PIK3IP1: variants seen among roughly 807,000 people sequenced by gnomAD.
PIK3IP1 encodes phosphoinositide-3-kinase-interacting protein 1.
Under a neutral mutation model 30.7 loss-of-function variants are expected in PIK3IP1, and 28 were observed. The ratio of observed to expected loss-of-function variants is 0.91; its 90% CI spans 0.68 to 1.25. The LOEUF (loss-of-function observed/expected upper bound fraction) is 1.25, where lower values mean the gene tolerates loss of function less well. Ranked by LOEUF, PIK3IP1 falls within the 50% of genes most tolerant of loss-of-function variation. The pLI is 0.00. For synonymous variants in PIK3IP1, 159 were observed against 140.8 expected, an observed-to-expected ratio of 1.13 and a Z score of -0.91; for missense variants, 333 against 346.2, an observed-to-expected ratio of 0.96 and a Z score of 0.30.
At chr22:31,288,409 G>A (rs1245733439) in intron 5 of PIK3IP1, among the ~76,000 whole-genome samples, 1 of 100,072 alleles carries the variant, frequency 1.0e-5, no homozygotes, top group Non-Finnish European at 2.0e-5. Flanking sequence ...GGAAAGAAAG[G>A]GGAAGGAAGG....
chr22:31,290,778 T>G (rs1292792965), intron 3 of PIK3IP1, 187 bp downstream of exon 3: 9 of 820,864 alleles, frequency 1.1e-5, no homozygotes, highest in South Asian at 6.6e-5. Flanking sequence ...GCGGATGAGC[T>G]CATACGAGTG....
rs1187055702 is a variant in PIK3IP1 at position 31,282,060 on chromosome 22, TG to T, written c.*1023del. ...AAAAGGCTTAATGAGCCCTTTCTAA[TG>T]GTTCTTTGATTGCTTTATGAGTTAG... On this transcript the variant is annotated 3_prime_UTR_variant, in exon 6 of 6. Coordinates refer to ENST00000215912, the MANE Select transcript of PIK3IP1 (RefSeq NM_052880.5). 1.3e-5 allele frequency: 2 copies of T among 152,286 alleles called. No individual in the cohort carries two copies. The highest frequency in any genetic ancestry group is 4.8e-5 in the African/African-American group (2 of 41,474). 9.4% of individuals were successfully genotyped at this position (152,286 alleles called of 1,614,324 possible).
chr22:31,284,676 A>G (rs1359319637), intron 5 of PIK3IP1, among the ~76,000 whole-genome samples: 1 of 152,212 alleles, frequency 6.6e-6, no homozygotes, highest in African/African-American at 2.4e-5. Context: ...TCACTGACTT[A>G]GTTCCTCTCC....
At chr22:31,284,441 C>T (rs1327201723) in intron 5 of PIK3IP1, among the ~76,000 whole-genome samples, 2 of 152,180 alleles carry the variant, frequency 1.3e-5, no homozygotes, top group Non-Finnish European at 2.9e-5. Flanking sequence ...TAGTCTCATC[C>T]ATTTGGAAGC....
In PIK3IP1 at chr22:31,282,146, C is replaced by T. The variant is rs2049094620; in HGVS notation, c.*938G>A. On this transcript the variant is annotated 3_prime_UTR_variant, in exon 6 of 6. Coordinates refer to ENST00000215912, the MANE Select transcript of PIK3IP1 (RefSeq NM_052880.5). ...GGTGCTGACCTGGACGCCCGCAGGA[C>T]CACCTGCTAAATCAGGCCCACTTGG... 6.6e-6 allele frequency: 1 copy of T among 152,270 alleles called. No individual in the cohort carries two copies. Among genetic ancestry groups the T allele is most frequent in the South Asian group, 2.1e-4 (1 of 4,834 alleles). The allele number at this position is 152,270 out of a possible 1,614,324, so 9.4% of individuals were successfully genotyped here.
In PIK3IP1 at chr22:31,289,524, C is replaced by T. The variant is rs553352319; in HGVS notation, c.483G>A (p.Lys161=). 5 of 1,539,236 alleles carry T rather than the reference C, an allele frequency of 3.2e-6. No individual in the cohort carries two copies. In the East Asian group the frequency reaches 6.9e-5, roughly 21 times the overall value. Residue 161 remains lysine (K), a synonymous_variant, in exon 4 of 6, where the codon AAG becomes AAA. Transcript: ENST00000215912. ...GISQRVRMNS[K]EKKDLGTLGY... is the part of the protein sequence containing the mutation. ...CCAGAGTTCCCAGGTCCTTTTTCTCCTTGGAGTTCATCCGCACCCGCTGGC... is the reference window on the plus strand; with the variant it reads ...CCAGAGTTCCCAGGTCCTTTTTCTCTTTGGAGTTCATCCGCACCCGCTGGC...
chr22:31,290,838 G>A, intron 3 of PIK3IP1, 127 bp downstream of exon 3: 1 of 1,348,162 alleles, frequency 7.4e-7, no homozygotes, highest in Non-Finnish European at 9.7e-7. Context: ...GACAGCCCTG[G>A]CCAATCGGAC....
At chr22:31,286,750 G>T (rs530563054) in intron 5 of PIK3IP1, among the ~76,000 whole-genome samples, 1 of 152,306 alleles carries the variant, frequency 6.6e-6, no homozygotes, top group South Asian at 2.1e-4. Flanking sequence ...AATGCTGTTG[G>T]GTGGCTGAGG....
intron 5 of PIK3IP1, among the ~76,000 whole-genome samples, chr22:31,287,014 C>CTTTTTTT (rs11427273): frequency 3.0e-5 from 3 of 98,640 alleles, no homozygotes; most frequent in Admixed American, 2.6e-4. Flanking sequence ...CCATTACCCA[C>CTTTTTTT]TTTTTTTTTT....
intron 3 of PIK3IP1, chr22:31,290,679 G>A: frequency 2.5e-6 from 1 of 397,954 alleles, no homozygotes; most frequent in Non-Finnish European, 4.5e-6. Context: ...TAAACGCTGA[G>A]GGGCCAAAAG....
chr22:31,284,419 A>T (rs371093674), intron 5 of PIK3IP1, among the ~76,000 whole-genome samples: 14 of 152,346 alleles, frequency 9.2e-5, no homozygotes, highest in Middle Eastern at 3.4e-3. Context: ...AGATGCTGGC[A>T]CTAGTCTGGA....
Position 31,291,077 on chromosome 22 carries a change from G to A in PIK3IP1, c.195C>T (p.Gly65=), listed in dbSNP as rs772459087. The A allele has an allele frequency of 1.9e-4, 290 of 1,554,366 alleles. No homozygotes were observed. The highest frequency in any genetic ancestry group is 2.3e-4 in the Non-Finnish European group (268 of 1,148,672). ...GLASAPVSGA[G]NHSYCRNPDE... Reference sequence around the variant, plus strand: ...CCGGGTTTCGGCAGTAACTGTGATTGCCGGCCCCTAAGAGAGGAGAGAAGG... The same window carrying A: ...CCGGGTTTCGGCAGTAACTGTGATTACCGGCCCCTAAGAGAGGAGAGAAGG... The change falls in exon 3 of 6, where the codon GGC becomes GGT. Residue 65 remains glycine (G), a synonymous_variant. Coordinates refer to ENST00000215912, the MANE Select transcript of PIK3IP1 (RefSeq NM_052880.5).
At position 31,282,885 on chromosome 22, in the gene PIK3IP1, G is replaced by A. The variant is rs1054230191; in HGVS notation, c.*199C>T. 93 of 561,728 alleles carry A rather than the reference G, an allele frequency of 1.7e-4. 2 individuals carry two copies. In the South Asian group the frequency reaches 1.8e-3, roughly 11 times the overall value. 34.8% of individuals were successfully genotyped at this position (561,728 alleles called of 1,614,324 possible). Reference sequence around the variant, plus strand: ...AAAATCTGCTCCAAGGGATGGACAAGGAGCACTGTTAGGACCCTACCCAGC... The same window carrying A: ...AAAATCTGCTCCAAGGGATGGACAAAGAGCACTGTTAGGACCCTACCCAGC... On this transcript the variant is annotated 3_prime_UTR_variant, in exon 6 of 6. Transcript: ENST00000215912.
rs1478387500 is a variant in PIK3IP1, at chr22:31,283,435, A to G, written c.588-147T>C. On this transcript the variant is annotated intron_variant, in intron 5 of 5. Transcript: ENST00000215912. The stretch of plus-strand genomic sequence containing the variant: ...TGAGCCAGGACCCAAACTCAGGTCC[A>G]GGATTCTAGGATATCCATTCTGCAA... 3 of 769,028 alleles carry G rather than the reference A, an allele frequency of 3.9e-6. No homozygotes were observed. The Admixed American group carries it at 6.9e-5, about 18-fold the overall frequency. 47.6% of individuals were successfully genotyped at this position (769,028 alleles called of 1,614,324 possible). A position where few individuals can be genotyped will look rare whatever the true frequency, so the allele number is the denominator to read the frequency against.
intron 3 of PIK3IP1, chr22:31,290,721 A>T (rs1312861152): frequency 3.9e-6 from 2 of 509,938 alleles, no homozygotes; most frequent in Non-Finnish European, 6.6e-6. Flanking sequence ...GGAGAGACCT[A>T]GCCTCACCCC....
Position 31,287,329 on chromosome 22 carries a change from ATTTTTT to A in PIK3IP1, c.587+1980_587+1985del, listed in dbSNP as rs776460911. On this transcript the variant is annotated intron_variant, in intron 5 of 5. Coordinates refer to ENST00000215912, the MANE Select transcript of PIK3IP1 (RefSeq NM_052880.5). ...CCACTACGCCTGGTCCATTACCTACATTTTTTTTTTTTTTTTTTTGAGACGGAGTAT... is the reference window on the plus strand; with the variant it reads ...CCACTACGCCTGGTCCATTACCTACATTTTTTTTTTTTTGAGACGGAGTAT... 1.9e-4 allele frequency among the ~76,000 whole-genome samples: 16 copies of A among 85,666 alleles called. No homozygotes were observed. In the South Asian group the frequency reaches 3.0e-3, roughly 16 times the overall value. The allele number at this position is 85,666 out of a possible 152,430, so 56.2% of individuals were successfully genotyped here. A position where few individuals can be genotyped will look rare whatever the true frequency, so the allele number is the denominator to read the frequency against.
At chr22:31,289,167 G>A (rs1437048108) in intron 5 of PIK3IP1, 148 bp downstream of exon 5, 2 of 756,268 alleles carry the variant, frequency 2.6e-6, no homozygotes, top group Admixed American at 4.8e-5. Flanking sequence ...GTTTGTCCAA[G>A]GTCAGCAGAT....
At chr22:31,290,347 C>T (rs541361171) in intron 3 of PIK3IP1, 3 of 152,416 alleles carry the variant, frequency 2.0e-5, no homozygotes, top group East Asian at 1.9e-4. Flanking sequence ...CGAAATTGCG[C>T]CACTGCACTC....
At chr22:31,291,469 A>ACCCCCCCCCCCCCCCCC (rs10558009) in intron 1 of PIK3IP1, among the ~76,000 whole-genome samples, 173 bp from the exon 2 acceptor site, 1 of 104,692 alleles carries the variant, frequency 9.6e-6, no homozygotes, top group Admixed American at 9.1e-5. Context: ...CGCCCCACGC[A>ACCCCCCCCCCCCCCCCC]CCCCCCCCCC....
Sources: allele counts gnomAD v4.1 joint callset (sites outside exome capture counted in the v4.1 genomes callset), GRCh38; gene constraint gnomAD v4.1.1; transcripts MANE v1.5; gene names NCBI Gene and HGNC (gene_info 2026-07-23, HGNC 2026-07-21).